Variants in MACROD2 observed in about 807,000 individuals in gnomAD.
MACROD2 encodes ADP-ribose glycohydrolase MACROD2.
Under a neutral mutation model 70.4 loss-of-function variants are expected in MACROD2, and 36 were observed. The ratio of observed to expected loss-of-function variants is 0.51; its 90% CI spans 0.39 to 0.68. The LOEUF (loss-of-function observed/expected upper bound fraction) is 0.68, where lower values mean the gene tolerates loss of function less well. Among genes scored for constraint, MACROD2 ranks in the 30% least tolerant of loss-of-function variants. The pLI is 0.00. For missense variants in MACROD2, 496 were observed against 538.4 expected (o/e 0.92, Z 0.78); for synonymous variants, 172 against 178.8 (o/e 0.96, Z 0.30).
intron 6 of MACROD2, among the ~76,000 whole-genome samples, chr20:15,313,128 T>A (rs781105835): frequency 6.6e-6 from 1 of 152,174 alleles, no homozygotes; most frequent in Non-Finnish European, 1.5e-5. Flanking sequence ...ATTTTCTCCT[T>A]AATATATCAG....
intron 4 of MACROD2, among the ~76,000 whole-genome samples, chr20:14,645,336 C>A (rs1450851559): frequency 6.6e-6 from 1 of 151,972 alleles, no homozygotes; most frequent in Non-Finnish European, 1.5e-5. Context: ...TCAGCCTTTT[C>A]ATTTTCTGGT....
chr20:14,712,170 A>G (rs1291032277), intron 5 of MACROD2, among the ~76,000 whole-genome samples: 1 of 152,130 alleles, frequency 6.6e-6, no homozygotes, highest in Non-Finnish European at 1.5e-5. Context: ...TAAAAAATAT[A>G]TTTCTTTGAG....
chr20:14,696,443 G>A (rs1294917809), intron 5 of MACROD2, among the ~76,000 whole-genome samples: 1 of 152,156 alleles, frequency 6.6e-6, no homozygotes, highest in East Asian at 1.9e-4. Context: ...TGAAGCAGAG[G>A]TAACTTCTCA....
At chr20:15,482,950 G>A (rs769818821) in intron 7 of MACROD2, among the ~76,000 whole-genome samples, 4 of 152,016 alleles carry the variant, frequency 2.6e-5, no homozygotes, top group Admixed American at 6.6e-5. Context: ...AGAGTTTCTT[G>A]TATATTTAGG....
chr20:15,238,635 T>A (rs962141482), intron 6 of MACROD2, among the ~76,000 whole-genome samples: 3 of 152,206 alleles, frequency 2.0e-5, no homozygotes, highest in Admixed American at 2.0e-4. Flanking sequence ...CGTGATCAAT[T>A]CTTTTTGTAA....
chr20:14,040,055 C>A (rs1277085866), intron 2 of MACROD2, among the ~76,000 whole-genome samples: 1 of 152,014 alleles, frequency 6.6e-6, no homozygotes, highest in Non-Finnish European at 1.5e-5. Context: ...ATCTGGGGAA[C>A]CTTTCAATAG....
intron 3 of MACROD2, among the ~76,000 whole-genome samples, chr20:14,249,321 A>G (rs916171028): frequency 6.6e-6 from 1 of 151,970 alleles, no homozygotes; most frequent in Non-Finnish European, 1.5e-5. Flanking sequence ...GCCAGAGTTA[A>G]GAGTGATATG....
chr20:14,698,922 A>T (rs986909626), intron 5 of MACROD2, among the ~76,000 whole-genome samples: 1 of 152,124 alleles, frequency 6.6e-6, no homozygotes, highest in African/African-American at 2.4e-5. Context: ...CTTGGCTAAT[A>T]GATACAAATA....
intron 5 of MACROD2, among the ~76,000 whole-genome samples, chr20:15,178,133 T>C (rs2076475451): frequency 6.6e-6 from 1 of 152,204 alleles, no homozygotes. Context: ...CTCAGGTTAC[T>C]TAAAAGCCGA....
intron 5 of MACROD2, among the ~76,000 whole-genome samples, chr20:15,165,230 T>G (rs1601164601): frequency 6.6e-6 from 1 of 152,078 alleles, no homozygotes; most frequent in African/African-American, 2.4e-5. Flanking sequence ...TTGAGACAGG[T>G]GAATCATCTG....
intron 4 of MACROD2, among the ~76,000 whole-genome samples, chr20:14,517,632 C>G (rs2085117032): frequency 6.6e-6 from 1 of 152,092 alleles, no homozygotes; most frequent in South Asian, 2.1e-4. Context: ...CATGTGTATA[C>G]CTGTGTAACA....
At chr20:15,545,220 G>T (rs766248560) in intron 8 of MACROD2, among the ~76,000 whole-genome samples, 2 of 152,154 alleles carry the variant, frequency 1.3e-5, no homozygotes, top group African/African-American at 2.4e-5. Flanking sequence ...AAAGGCACTG[G>T]CAAGACAGAA....
In MACROD2 at chr20:15,059,123, C is replaced by T. The variant is rs113085565; in HGVS notation, c.419-170817C>T. ...ACAATGAAAAGAATCCTGGGCCAGA[C>T]GCAGTGGCTCACACTTGTGATCCCA... is the stretch of plus-strand genomic sequence containing the variant. On this transcript the variant is annotated intron_variant, in intron 5 of 17. Transcript: ENST00000684519. Among the ~76,000 whole-genome samples, 1,019 of 152,296 alleles carry T rather than the reference C, an allele frequency of 6.7e-3. 10 individuals carry two copies. The highest frequency in any genetic ancestry group is 0.022 in the African/African-American group (902 of 41,562).
chr20:14,560,271 C>T (rs1979335730), intron 4 of MACROD2, among the ~76,000 whole-genome samples: 1 of 150,752 alleles, frequency 6.6e-6, no homozygotes, highest in Non-Finnish European at 1.5e-5. Flanking sequence ...TTGCTAACCA[C>T]ACTTTGTTTC....
chr20:15,475,217 G>C (rs1408132650), intron 7 of MACROD2, among the ~76,000 whole-genome samples: 3 of 152,138 alleles, frequency 2.0e-5, no homozygotes, highest in Admixed American at 6.5e-5. Context: ...TGTGGTTTCA[G>C]TGTCTGTGGG....
At chr20:15,381,972 C>A (rs1046350198) in intron 6 of MACROD2, among the ~76,000 whole-genome samples, 24 of 152,178 alleles carry the variant, frequency 1.6e-4, no homozygotes, top group African/African-American at 5.8e-4. Flanking sequence ...TTCCAGGTGA[C>A]AAATCCCTAG....
At chr20:14,653,494 A>T (rs1296694321) in intron 4 of MACROD2, among the ~76,000 whole-genome samples, 1 of 151,156 alleles carries the variant, frequency 6.6e-6, no homozygotes. Flanking sequence ...CTGGGACTGC[A>T]GGCGTGAGCC....
chr20:15,553,555 A>C (rs1291491850), intron 8 of MACROD2, among the ~76,000 whole-genome samples: 3 of 152,088 alleles, frequency 2.0e-5, no homozygotes, highest in Non-Finnish European at 2.9e-5. Context: ...AGTAGCTGGG[A>C]CTACAGGCAC....
At position 14,027,343 on chromosome 20, in the gene MACROD2, C is replaced by G. The variant is rs542970537; in HGVS notation, c.163+24939C>G. ...TCTGTTTTTCTCTAAACTGGTTATT[C>G]TAGTTAGCAATTCCTCTAACCTTTT... is the stretch of plus-strand genomic sequence containing the variant. On this transcript the variant is annotated intron_variant, in intron 2 of 17. Coordinates refer to ENST00000684519, the MANE Select transcript of MACROD2 (RefSeq NM_001351661.2). Among the ~76,000 whole-genome samples the G allele has an allele frequency of 8.3e-4, 126 of 150,924 alleles. No homozygotes were observed. The South Asian group carries it at 0.013, about 15-fold the overall frequency.
Sources: allele counts gnomAD v4.1 joint callset (sites outside exome capture counted in the v4.1 genomes callset), GRCh38; gene constraint gnomAD v4.1.1; transcripts MANE v1.5; gene names NCBI Gene and HGNC (gene_info 2026-07-23, HGNC 2026-07-21).